The following ELL2 variants were observed in gnomAD, a reference collection of about 807,000 sequenced individuals.
The protein encoded by ELL2 is elongation factor for RNA polymerase II 2.
A neutral mutation model predicts 72.8 loss-of-function variants in ELL2; 21 were observed. The observed-to-expected ratio is 0.29, with a 90% CI of 0.20 to 0.42. The LOEUF (loss-of-function observed/expected upper bound fraction) is 0.42. Among genes scored for constraint, ELL2 ranks in the 10% least tolerant of loss-of-function variants. The pLI is 1.00. For missense variants in ELL2, 568 were observed against 772.8 expected (o/e 0.73, Z 3.14); for synonymous variants, 266 against 283.2 (o/e 0.94, Z 0.61).
intron 2 of ELL2, among the ~76,000 whole-genome samples, chr5:95,936,677 G>A (rs1348572303): frequency 1.1e-4 from 16 of 152,080 alleles, no homozygotes. Flanking sequence ...CAGCTACCCA[G>A]TAGGCTGCAG....
chr5:95,960,337 C>T (rs1026509129), intron 1 of ELL2, among the ~76,000 whole-genome samples: 2 of 152,048 alleles, frequency 1.3e-5, no homozygotes, highest in South Asian at 4.2e-4. Flanking sequence ...GTATCCACTC[C>T]GGTCTCCCAC....
chr5:95,890,456 A>G (rs1327638315), intron 10 of ELL2, among the ~76,000 whole-genome samples: 1 of 152,244 alleles, frequency 6.6e-6, no homozygotes, highest in Non-Finnish European at 1.5e-5. Flanking sequence ...CGGGAGGGAA[A>G]TACTCATTTC....
chr5:95,921,880 G>A (rs1168972350), intron 2 of ELL2, among the ~76,000 whole-genome samples: 1 of 152,134 alleles, frequency 6.6e-6, no homozygotes, highest in Non-Finnish European at 1.5e-5. Flanking sequence ...TGCAGAACCT[G>A]GTTGGAGAAA....
In ELL2 at chr5:95,940,556, C is replaced by T. The variant is rs3822750; in HGVS notation, c.195+2446G>A. ...TAACATTATATGTTCAGTTTTAAAACGATATTTTAACAATGCTTAGTTATA... is the reference window on the plus strand; with the variant it reads ...TAACATTATATGTTCAGTTTTAAAATGATATTTTAACAATGCTTAGTTATA... On this transcript the variant is annotated intron_variant, in intron 2 of 11. Coordinates refer to ENST00000237853, the MANE Select transcript of ELL2 (RefSeq NM_012081.6). Among the ~76,000 whole-genome samples the T allele has an allele frequency of 1.1e-4, 17 of 151,994 alleles. 1 individual carries two copies. The South Asian group carries it at 2.9e-3, about 26-fold the overall frequency.
chr5:95,942,805 A>G, intron 2 of ELL2, 197 bp downstream of exon 2: 2 of 353,300 alleles, frequency 5.7e-6, no homozygotes, highest in African/African-American at 2.2e-5. Flanking sequence ...CAATAACCAT[A>G]TATGAATTTT....
chr5:95,898,020 C>T (rs955298323), intron 8 of ELL2, among the ~76,000 whole-genome samples: 4 of 150,510 alleles, frequency 2.7e-5, no homozygotes, highest in Non-Finnish European at 5.9e-5. Flanking sequence ...TTTTCAAATG[C>T]CATTCTTATT....
intron 1 of ELL2, among the ~76,000 whole-genome samples, chr5:95,948,499 T>TAA: frequency 6.8e-6 from 1 of 147,572 alleles, no homozygotes; most frequent in African/African-American, 2.5e-5. Context: ...TTGTATCTGA[T>TAA]CACTCACTGT....
In ELL2 at chr5:95,887,731, A is replaced by AG. The variant is rs948127154; in HGVS notation, c.*1139_*1140insC. 5 of 152,424 alleles carry AG rather than the reference A, an allele frequency of 3.3e-5. No homozygotes were observed. The highest frequency in any genetic ancestry group is 7.4e-5 in the Non-Finnish European group (5 of 68,020). The allele number at this position is 152,424 out of a possible 1,614,324, so 9.4% of individuals were successfully genotyped here. ...TTATATTCCTGGCACCAGGATGAAA[A>AG]AAAAAATCTTTAAATATACCTCTTA... On this transcript the variant is annotated 3_prime_UTR_variant, in exon 12 of 12. Transcript: ENST00000237853.
chr5:95,911,512 T>C (rs537990595), intron 4 of ELL2, among the ~76,000 whole-genome samples: 1 of 152,298 alleles, frequency 6.6e-6, no homozygotes, highest in African/African-American at 2.4e-5. Flanking sequence ...TAATTTATTT[T>C]TGTATTTTTA....
chr5:95,907,019 A>G (rs1187617271), intron 4 of ELL2, among the ~76,000 whole-genome samples: 2 of 152,166 alleles, frequency 1.3e-5, no homozygotes, highest in Non-Finnish European at 2.9e-5. Flanking sequence ...TGTATAATGC[A>G]TGTATTTTGG....
intron 2 of ELL2, among the ~76,000 whole-genome samples, chr5:95,927,400 TAC>T (rs147145672): frequency 3.4e-5 from 1 of 29,462 alleles, no homozygotes; most frequent in African/African-American, 2.7e-4. Flanking sequence ...TATATAGACA[TAC>T]ACACACGTGT....
At chr5:95,907,690 TTA>T (rs760561849) in intron 4 of ELL2, among the ~76,000 whole-genome samples, 166 of 152,362 alleles carry the variant, frequency 1.1e-3, no homozygotes, top group Non-Finnish European at 1.5e-3. Flanking sequence ...GACTCTCATT[TTA>T]TGATTCTACA....
At chr5:95,901,169 A>G (rs1247405475) in intron 5 of ELL2, 89 bp from the exon 6 acceptor site, 3 of 1,391,842 alleles carry the variant, frequency 2.2e-6, no homozygotes, top group Admixed American at 5.3e-5. Flanking sequence ...TACACTGAAA[A>G]TAATTACATC....
At chr5:95,947,000 A>G (rs1447294887) in intron 1 of ELL2, among the ~76,000 whole-genome samples, 1 of 152,234 alleles carries the variant, frequency 6.6e-6, no homozygotes, top group Non-Finnish European at 1.5e-5. Flanking sequence ...GTTTCTAGCC[A>G]AACAAAACTC....
In ELL2 at chr5:95,952,463, TA is replaced by T. The variant is rs554480619; in HGVS notation, c.147+9111del. On this transcript the variant is annotated intron_variant, in intron 1 of 11. Transcript: ENST00000237853. ...CATACCCCGAACCTAAAATAAAAGT[TA>T]AAAAAAAAATCTTACTTGATCCCTC... 1.4e-3 allele frequency among the ~76,000 whole-genome samples: 210 copies of T among 150,220 alleles called. 1 individual carries two copies. Among genetic ancestry groups the T allele is most frequent in the Admixed American group, 3.0e-3 (45 of 15,116 alleles).
At chr5:95,890,857 T>C (rs1748634870) in intron 10 of ELL2, 2 of 496,986 alleles carry the variant, frequency 4.0e-6, no homozygotes, top group South Asian at 4.2e-5. Flanking sequence ...TTGTGTTTGG[T>C]ATTTTTCTCA....
At chr5:95,910,891 G>C (rs1340242764) in intron 4 of ELL2, among the ~76,000 whole-genome samples, 1 of 152,190 alleles carries the variant, frequency 6.6e-6, no homozygotes, top group East Asian at 1.9e-4. Flanking sequence ...CTTAAGAAAA[G>C]CACAGAACTT....
chr5:95,896,588 C>T (rs1748885966), intron 8 of ELL2, among the ~76,000 whole-genome samples: 1 of 152,140 alleles, frequency 6.6e-6, no homozygotes, highest in African/African-American at 2.4e-5. Flanking sequence ...CCTATAAATT[C>T]ATGCTTGGGT....
intron 2 of ELL2, among the ~76,000 whole-genome samples, chr5:95,940,980 G>C (rs1367795196): frequency 6.6e-6 from 1 of 152,040 alleles, no homozygotes; most frequent in Non-Finnish European, 1.5e-5. Context: ...AAGGGGGGGA[G>C]GGGTGGATGG....
Sources: allele counts gnomAD v4.1 joint callset (sites outside exome capture counted in the v4.1 genomes callset), GRCh38; gene constraint gnomAD v4.1.1; transcripts MANE v1.5; gene names NCBI Gene and HGNC (gene_info 2026-07-23, HGNC 2026-07-21).